The following AHI1 variants were observed in gnomAD, a reference collection of about 807,000 sequenced individuals.
The protein encoded by AHI1 is Abelson helper integration site 1.
In AHI1, 123 loss-of-function variants were observed where a neutral mutation model predicts 149.3. The ratio of observed to expected loss-of-function variants is 0.82; its 90% confidence interval spans 0.71 to 0.96. AHI1 has a LOEUF of 0.96. Ranked by LOEUF, AHI1 falls within the 40% of genes least tolerant of loss-of-function variation. AHI1 has a pLI of 0.00. For synonymous variants in AHI1, 475 were observed against 459.8 expected, an observed-to-expected ratio of 1.03 and a Z score of -0.42; for missense variants, 1,439 against 1,422.7, an observed-to-expected ratio of 1.01 and a Z score of -0.18.
intron 22 of AHI1, among the ~76,000 whole-genome samples, chr6:135,401,477 G>A (rs910640182): frequency 2.0e-5 from 3 of 152,034 alleles, no homozygotes; most frequent in African/African-American, 7.2e-5. Flanking sequence ...CTTATGTAAC[G>A]GACACTTGGG....
chr6:135,290,591 G>A (rs1782221283), intron 27 of AHI1, 66 bp from the exon 28 acceptor site: 1 of 1,553,526 alleles, frequency 6.4e-7, no homozygotes, highest in Non-Finnish European at 8.9e-7. Context: ...GCTCAGATGA[G>A]GCTTTGATCT....
At chr6:135,296,698 A>C (rs1447368399) in intron 27 of AHI1, among the ~76,000 whole-genome samples, 1 of 151,822 alleles carries the variant, frequency 6.6e-6, no homozygotes, top group East Asian at 1.9e-4. Context: ...TCCCCTACCC[A>C]TGCTTTATTT....
intron 8 of AHI1, among the ~76,000 whole-genome samples, chr6:135,461,014 A>G (rs1427471148): frequency 6.6e-6 from 1 of 152,158 alleles, no homozygotes; most frequent in Non-Finnish European, 1.5e-5. Flanking sequence ...GAACTTAGGA[A>G]AGATTTCTTA....
rs539037796 is a variant in AHI1, at chr6:135,448,201, C to A, written c.1626+89G>T. The stretch of plus-strand genomic sequence containing the variant: ...AATCTATTAAAATTATTATTAGAGG[C>A]CTTATCTTTTTAGAAATGAAAAACA... On this transcript the variant is annotated intron_variant, in intron 12 of 28. Coordinates refer to ENST00000265602, the MANE Select transcript of AHI1 (RefSeq NM_001134831.2). 3.8e-4 allele frequency: 329 copies of A among 859,734 alleles called. 2 individuals are homozygous for A. The African/African-American group carries it at 5.2e-3, about 13-fold the overall frequency. 53.3% of individuals were successfully genotyped at this position (859,734 alleles called of 1,614,324 possible).
chr6:135,341,128 A>G (rs1353642513), intron 24 of AHI1, among the ~76,000 whole-genome samples: 1 of 152,124 alleles, frequency 6.6e-6, no homozygotes, highest in African/African-American at 2.4e-5. Context: ...AATTTCACTA[A>G]GTGTAAATAG....
At position 135,477,845 on chromosome 6, in the gene AHI1, T is replaced by C. The variant is rs551297371; in HGVS notation, c.136-10211A>G. Reference sequence around the variant, plus strand: ...CCAGTCTCCGCTCTGTTGCCCAGGCTGGAATGCAGTGGTGTGATCCTGGCT... The same window carrying C: ...CCAGTCTCCGCTCTGTTGCCCAGGCCGGAATGCAGTGGTGTGATCCTGGCT... On this transcript the variant is annotated intron_variant, in intron 5 of 28. Coordinates refer to ENST00000265602, the MANE Select transcript of AHI1 (RefSeq NM_001134831.2). 2.0e-4 allele frequency among the ~76,000 whole-genome samples: 31 copies of C among 152,320 alleles called. No homozygotes were observed. In the South Asian group the frequency reaches 6.0e-3, roughly 30 times the overall value.
At chr6:135,325,911 A>G (rs1298976166) in intron 24 of AHI1, among the ~76,000 whole-genome samples, 3 of 152,204 alleles carry the variant, frequency 2.0e-5, no homozygotes, top group Admixed American at 2.0e-4. Flanking sequence ...TGAACCTCGG[A>G]AAGTCTGAAG....
At chr6:135,444,468 C>G (rs1209864035) in intron 13 of AHI1, among the ~76,000 whole-genome samples, 1 of 152,144 alleles carries the variant, frequency 6.6e-6, no homozygotes, top group East Asian at 1.9e-4. Context: ...ACAACAGGTC[C>G]TTTCCCACTT....
intron 26 of AHI1, among the ~76,000 whole-genome samples, chr6:135,313,235 C>T (rs1785460720): frequency 6.6e-6 from 1 of 152,140 alleles, no homozygotes; most frequent in Non-Finnish European, 1.5e-5. Context: ...AAGTAAAATA[C>T]TGTCTTACAC....
intron 20 of AHI1, among the ~76,000 whole-genome samples, chr6:135,423,173 T>C (rs1435047399): frequency 6.6e-6 from 1 of 152,186 alleles, no homozygotes; most frequent in Non-Finnish European, 1.5e-5. Context: ...AAAATGCTCA[T>C]AAGATTGGTA....
At chr6:135,340,331 C>T (rs925194742) in intron 24 of AHI1, among the ~76,000 whole-genome samples, 8 of 151,464 alleles carry the variant, frequency 5.3e-5, no homozygotes, top group East Asian at 2.0e-4. Context: ...GAGATCGCAC[C>T]GTGCACTCCA....
chr6:135,323,297 T>C lies in AHI1; in HGVS notation c.3193A>G (p.Asn1065Asp), dbSNP rs768599539. Residue 1065 changes from asparagine to aspartate, a missense_variant, in exon 25 of 29, where the codon AAT becomes GAT. Coordinates refer to ENST00000265602, the MANE Select transcript of AHI1 (RefSeq NM_001134831.2). ...TVVALYDYTA[N>D]RSDELTIHRG... Reference sequence around the variant, plus strand: ...TGGATGGTTAGTTCATCTGATCGATTCGCTGTGTAGTCATAAAGAGCCACT... The same window carrying C: ...TGGATGGTTAGTTCATCTGATCGATCCGCTGTGTAGTCATAAAGAGCCACT... The C allele has an allele frequency of 6.2e-7, 1 of 1,613,804 alleles. No homozygotes were observed. The highest frequency in any genetic ancestry group is 8.5e-7 in the Non-Finnish European group (1 of 1,179,806).
intron 23 of AHI1, among the ~76,000 whole-genome samples, chr6:135,381,378 T>A (rs1015541479): frequency 6.6e-6 from 1 of 152,256 alleles, no homozygotes; most frequent in East Asian, 1.9e-4. Flanking sequence ...AACACCCATA[T>A]AGACATTAAT....
At chr6:135,335,077 A>G (rs1284000329) in intron 24 of AHI1, among the ~76,000 whole-genome samples, 1 of 152,254 alleles carries the variant, frequency 6.6e-6, no homozygotes, top group Non-Finnish European at 1.5e-5. Context: ...AATTTAAAAT[A>G]TAAAGTCGAA....
At chr6:135,422,681 G>A (rs76081116) in intron 20 of AHI1, among the ~76,000 whole-genome samples, 1,594 of 151,178 alleles carry the variant, frequency 0.011, 14 homozygotes, top group Non-Finnish European at 0.017. Flanking sequence ...GTAGAGATGA[G>A]GTCTCACTAT....
At chr6:135,433,644 T>A (rs375284671) in intron 15 of AHI1, among the ~76,000 whole-genome samples, 1 of 152,066 alleles carries the variant, frequency 6.6e-6, no homozygotes, top group Non-Finnish European at 1.5e-5. Context: ...CCCATTTAGG[T>A]TGTGTATACC....
chr6:135,374,557 C>T (rs762962858), intron 23 of AHI1, among the ~76,000 whole-genome samples: 4 of 151,956 alleles, frequency 2.6e-5, no homozygotes, highest in Non-Finnish European at 4.4e-5. Flanking sequence ...AAAATTAACA[C>T]AATCAGTACC....
chr6:135,363,919 TG>T (rs1794409519), intron 23 of AHI1, among the ~76,000 whole-genome samples: 1 of 74,366 alleles, frequency 1.3e-5, no homozygotes, highest in African/African-American at 5.4e-5. Context: ...CCCTCCCGGA[TG>T]GGGCGGCTGG....
At chr6:135,340,421 C>T (rs142140860) in intron 24 of AHI1, among the ~76,000 whole-genome samples, 366 of 150,516 alleles carry the variant, frequency 2.4e-3, no homozygotes, top group African/African-American at 8.5e-3. Context: ...GAAGGATAAG[C>T]AGTGTCCTGG....
Sources: gnomAD v4.1 joint callset for allele counts (sites outside exome capture counted in the v4.1 genomes callset) on GRCh38, gnomAD v4.1.1 for gene constraint, MANE v1.5 for transcripts, NCBI Gene and HGNC (gene_info 2026-07-23, HGNC 2026-07-21) for gene names.